Variants in CTNNA3 observed in about 807,000 individuals in gnomAD.
CTNNA3 encodes the protein catenin alpha-3.
In CTNNA3, 76 loss-of-function variants were observed where a neutral mutation model predicts 95.7. The ratio of observed to expected loss-of-function variants is 0.79; its 90% confidence interval spans 0.66 to 0.96. The LOEUF is 0.96. CTNNA3 is among the 40% of genes least tolerant of loss of function. The pLI is 0.00. For synonymous variants in CTNNA3, 431 were observed against 374.4 expected (o/e 1.15, Z -1.74); for missense variants, 1,191 against 1,089.8 (o/e 1.09, Z -1.31).
chr10:67,318,397 G>T (rs960990452), intron 5 of CTNNA3, among the ~76,000 whole-genome samples: 4 of 152,176 alleles, frequency 2.6e-5, no homozygotes, highest in African/African-American at 9.7e-5. Flanking sequence ...CCTGTAAAAT[G>T]ATGGAAGTTA....
At chr10:65,930,225 A>C (rs1250867746) in intron 17 of CTNNA3, among the ~76,000 whole-genome samples, 1 of 145,116 alleles carries the variant, frequency 6.9e-6, no homozygotes, top group Non-Finnish European at 1.5e-5. Context: ...AAAAAAAAAA[A>C]ACAGAAACTA....
At chr10:66,905,815 T>C (rs1474000375) in intron 7 of CTNNA3, among the ~76,000 whole-genome samples, 1 of 152,142 alleles carries the variant, frequency 6.6e-6, no homozygotes, top group Non-Finnish European at 1.5e-5. Context: ...TAAATGGTGG[T>C]TGCCAGGCAT....
chr10:66,385,061 A>C (rs1221149504), intron 11 of CTNNA3, among the ~76,000 whole-genome samples: 2 of 152,142 alleles, frequency 1.3e-5, no homozygotes, highest in African/African-American at 4.8e-5. Context: ...CACATTCAAA[A>C]CCTAGCAGAA....
intron 16 of CTNNA3, among the ~76,000 whole-genome samples, chr10:65,982,619 G>C (rs940502453): frequency 3.3e-5 from 5 of 150,308 alleles, no homozygotes; most frequent in Middle Eastern, 3.2e-3. Context: ...ATCAATCAAT[G>C]AATGATAAAG....
intron 7 of CTNNA3, among the ~76,000 whole-genome samples, chr10:67,083,034 A>T (rs1398398583): frequency 6.6e-6 from 1 of 152,190 alleles, no homozygotes; most frequent in Non-Finnish European, 1.5e-5. Context: ...TCTCACAAAA[A>T]AGCAGGTGTT....
intron 11 of CTNNA3, among the ~76,000 whole-genome samples, chr10:66,395,290 T>G (rs1257224235): frequency 6.6e-6 from 1 of 152,052 alleles, no homozygotes; most frequent in Non-Finnish European, 1.5e-5. Flanking sequence ...ACAAATTCTC[T>G]TCAGCATCAT....
At chr10:66,071,115 T>C (rs1166654430) in intron 14 of CTNNA3, among the ~76,000 whole-genome samples, 2 of 152,176 alleles carry the variant, frequency 1.3e-5, no homozygotes, top group Admixed American at 1.3e-4. Context: ...AAGAGAATAC[T>C]TGATGTTTGG....
chr10:66,411,709 C>T (rs1188235618), intron 11 of CTNNA3, among the ~76,000 whole-genome samples: 2 of 151,998 alleles, frequency 1.3e-5, no homozygotes, highest in Non-Finnish European at 2.9e-5. Flanking sequence ...GTGATAAATA[C>T]TGTAAATAAA....
At chr10:66,838,414 G>A (rs1348123937) in intron 7 of CTNNA3, among the ~76,000 whole-genome samples, 3 of 152,082 alleles carry the variant, frequency 2.0e-5, no homozygotes, top group Non-Finnish European at 4.4e-5. Context: ...TCTTCTAGAA[G>A]CTAATTCTTT....
At chr10:66,576,062 G>A (rs1344261906) in intron 10 of CTNNA3, among the ~76,000 whole-genome samples, 1 of 152,012 alleles carries the variant, frequency 6.6e-6, no homozygotes, top group East Asian at 1.9e-4. Context: ...AGGTATGGGA[G>A]GAAACCGAGC....
intron 1 of CTNNA3, among the ~76,000 whole-genome samples, chr10:67,756,375 T>C (rs1348479990): frequency 6.6e-6 from 1 of 152,166 alleles, no homozygotes; most frequent in Non-Finnish European, 1.5e-5. Context: ...GTGATGGATA[T>C]CCTAACTACA....
At chr10:67,021,588 T>G (rs1853019262) in intron 7 of CTNNA3, among the ~76,000 whole-genome samples, 2 of 152,092 alleles carry the variant, frequency 1.3e-5, no homozygotes, top group Non-Finnish European at 2.9e-5. Flanking sequence ...ATGAAAGTTA[T>G]GTAGTGATAT....
chr10:67,198,036 A>G (rs1195513410), intron 6 of CTNNA3, among the ~76,000 whole-genome samples: 1 of 152,194 alleles, frequency 6.6e-6, no homozygotes, highest in Non-Finnish European at 1.5e-5. Context: ...TCAACACAGT[A>G]GCTACTCAAC....
chr10:66,565,764 C>T (rs1226724174), intron 10 of CTNNA3, among the ~76,000 whole-genome samples: 1 of 152,158 alleles, frequency 6.6e-6, no homozygotes. Flanking sequence ...GAGCTCTGAG[C>T]TCCTTCCTCT....
chr10:67,078,521 TA>T (rs1856857837), intron 7 of CTNNA3, among the ~76,000 whole-genome samples: 2 of 152,144 alleles, frequency 1.3e-5, no homozygotes, highest in African/African-American at 2.4e-5. Flanking sequence ...CCTTTTTTAT[TA>T]TTATTATTAT....
intron 10 of CTNNA3, among the ~76,000 whole-genome samples, chr10:66,606,405 G>A (rs1399871995): frequency 6.6e-6 from 1 of 152,088 alleles, no homozygotes; most frequent in Non-Finnish European, 1.5e-5. Context: ...ACTCAGCACT[G>A]GATCAAACGG....
At chr10:66,704,788 G>T (rs1848064700) in intron 9 of CTNNA3, among the ~76,000 whole-genome samples, 1 of 152,104 alleles carries the variant, frequency 6.6e-6, no homozygotes, top group Non-Finnish European at 1.5e-5. Context: ...TGCTCAACCT[G>T]TACTAGTAGA....
intron 11 of CTNNA3, among the ~76,000 whole-genome samples, chr10:66,427,521 T>C (rs867095067): frequency 2.0e-5 from 3 of 152,052 alleles, no homozygotes; most frequent in Non-Finnish European, 2.9e-5. Flanking sequence ...ATTTTTGCAA[T>C]GTGTATAATG....
chr10:67,530,104 C>A (rs1840280587), intron 4 of CTNNA3, among the ~76,000 whole-genome samples: 1 of 152,200 alleles, frequency 6.6e-6, no homozygotes, highest in Non-Finnish European at 1.5e-5. Context: ...TCCATTAAAC[C>A]TCCTTCTTTT....
Sources: gnomAD v4.1 joint callset for allele counts (sites outside exome capture counted in the v4.1 genomes callset) on GRCh38, gnomAD v4.1.1 for gene constraint, MANE v1.5 for transcripts, NCBI Gene and HGNC (gene_info 2026-07-23, HGNC 2026-07-21) for gene names.